ZBTB7C: variants seen among roughly 807,000 people sequenced by gnomAD.
ZBTB7C encodes the protein zinc finger and BTB domain-containing protein 7C.
ZBTB7C carries 8 observed loss-of-function variants against 25.7 expected under a neutral mutation model. That is an observed-to-expected ratio of 0.31 (90% CI 0.18 to 0.56). The LOEUF (loss-of-function observed/expected upper bound fraction) is 0.56, where lower values mean the gene tolerates loss of function less well. Ranked by LOEUF, ZBTB7C falls within the 20% of genes least tolerant of loss-of-function variation. The probability of loss-of-function intolerance (pLI) is 0.91; values close to 1 mark genes in which losing one functional copy is unlikely to be tolerated. For synonymous variants in ZBTB7C, 394 were observed against 369.0 expected (o/e 1.07, Z -0.78); for missense variants, 824 against 855.2 (o/e 0.96, Z 0.46).
chr18:48,115,425 T>C (rs1046517907), intron 3 of ZBTB7C, among the ~76,000 whole-genome samples: 2 of 151,688 alleles, frequency 1.3e-5, no homozygotes, highest in East Asian at 3.9e-4. Flanking sequence ...ATTTTTTTTG[T>C]ATTTTTAGTA....
chr18:48,307,998 C>T (rs2045717052), intron 2 of ZBTB7C, among the ~76,000 whole-genome samples: 1 of 152,170 alleles, frequency 6.6e-6, no homozygotes, highest in South Asian at 2.1e-4. Flanking sequence ...ACAATTAATG[C>T]TTTTAAAAAT....
intron 3 of ZBTB7C, among the ~76,000 whole-genome samples, chr18:48,092,851 G>A (rs771769815): frequency 3.3e-5 from 5 of 152,174 alleles, no homozygotes; most frequent in African/African-American, 4.8e-5. Context: ...TTGGTTGACT[G>A]ATTAACTCTA....
chr18:48,352,230 G>C (rs1598933067), intron 1 of ZBTB7C, among the ~76,000 whole-genome samples: 1 of 152,332 alleles, frequency 6.6e-6, no homozygotes, highest in East Asian at 1.9e-4. Context: ...TACCATGCTG[G>C]ATGCCCACTA....
At chr18:48,364,925 A>G (rs1478174056) in intron 1 of ZBTB7C, among the ~76,000 whole-genome samples, 1 of 152,196 alleles carries the variant, frequency 6.6e-6, no homozygotes, top group African/African-American at 2.4e-5. Flanking sequence ...CTTACTAAAC[A>G]CAGTTTGCTG....
intron 3 of ZBTB7C, among the ~76,000 whole-genome samples, chr18:48,153,540 G>C (rs1487584706): frequency 6.6e-6 from 1 of 152,200 alleles, no homozygotes; most frequent in Non-Finnish European, 1.5e-5. Flanking sequence ...GGGAAAAAGG[G>C]AAGCAAGGAA....
chr18:48,046,873 C>T (rs760502407), intron 3 of ZBTB7C, among the ~76,000 whole-genome samples: 1 of 152,162 alleles, frequency 6.6e-6, no homozygotes, highest in Non-Finnish European at 1.5e-5. Flanking sequence ...ACATCATGAC[C>T]ATGAGGAGCC....
At chr18:48,241,056 T>C (rs11082666) in intron 2 of ZBTB7C, among the ~76,000 whole-genome samples, 18,040 of 151,954 alleles carry the variant, frequency 0.12, 2,562 homozygotes, top group East Asian at 0.66. Context: ...GCTATTCTCA[T>C]ATCAGACAAG....
At chr18:48,384,620 A>G in intron 1 of ZBTB7C, among the ~76,000 whole-genome samples, 1 of 151,872 alleles carries the variant, frequency 6.6e-6, no homozygotes, top group East Asian at 1.9e-4. Context: ...TTAAAACGTG[A>G]TTTTATTTTT....
chr18:48,319,589 T>C (rs757295357), intron 2 of ZBTB7C, among the ~76,000 whole-genome samples: 68 of 152,272 alleles, frequency 4.5e-4, no homozygotes, highest in Middle Eastern at 3.4e-3. Flanking sequence ...AAGGCTGCAG[T>C]GATTACATAC....
At chr18:48,068,503 CA>C (rs1217774510) in intron 3 of ZBTB7C, among the ~76,000 whole-genome samples, 1 of 150,898 alleles carries the variant, frequency 6.6e-6, no homozygotes, top group East Asian at 1.9e-4. Flanking sequence ...AAAAAAAAAA[CA>C]ACAAAAAAAC....
intron 1 of ZBTB7C, among the ~76,000 whole-genome samples, chr18:48,362,648 G>C (rs2047135767): frequency 6.6e-6 from 1 of 152,170 alleles, no homozygotes; most frequent in Admixed American, 6.5e-5. Context: ...AACTGGCAAA[G>C]ACAAAGCCTC....
chr18:48,085,258 T>G (rs950097501), intron 3 of ZBTB7C, among the ~76,000 whole-genome samples: 1 of 152,204 alleles, frequency 6.6e-6, no homozygotes, highest in Non-Finnish European at 1.5e-5. Context: ...GGGAGTATGC[T>G]GGGGAGAGGA....
intron 3 of ZBTB7C, among the ~76,000 whole-genome samples, chr18:48,053,967 T>G (rs1459425639): frequency 1.3e-5 from 2 of 152,174 alleles, no homozygotes; most frequent in African/African-American, 4.8e-5. Flanking sequence ...GATTAGCTTG[T>G]GCGAAGGCAT....
At chr18:48,106,241 A>C (rs1257919936) in intron 3 of ZBTB7C, among the ~76,000 whole-genome samples, 1 of 152,002 alleles carries the variant, frequency 6.6e-6, no homozygotes, top group East Asian at 1.9e-4. Context: ...TCCTCTTTCC[A>C]GCATCTCATC....
chr18:48,140,737 T>C (rs975814126), intron 3 of ZBTB7C, among the ~76,000 whole-genome samples: 4 of 151,980 alleles, frequency 2.6e-5, no homozygotes, highest in African/African-American at 9.7e-5. Context: ...TGGGAATGAG[T>C]GATACTCAAG....
chr18:48,286,230 G>A (rs1262155836), intron 2 of ZBTB7C, among the ~76,000 whole-genome samples: 1 of 124,172 alleles, frequency 8.1e-6, no homozygotes, highest in Non-Finnish European at 1.6e-5. Context: ...GAGAAGAGGT[G>A]TGCGTGTGTG....
chr18:48,314,281 C>T (rs2045892931), intron 2 of ZBTB7C, among the ~76,000 whole-genome samples: 1 of 152,166 alleles, frequency 6.6e-6, no homozygotes. Flanking sequence ...TAACTTCTTG[C>T]TTCAGTTCGT....
intron 3 of ZBTB7C, among the ~76,000 whole-genome samples, chr18:48,178,989 T>A (rs1423724762): frequency 6.6e-6 from 1 of 152,182 alleles, no homozygotes; most frequent in Admixed American, 6.5e-5. Flanking sequence ...GCTTCTCATA[T>A]TCATTGATTT....
intron 3 of ZBTB7C, among the ~76,000 whole-genome samples, chr18:48,103,112 T>TTATCTATCTATCTATCTATCTATCTATC (rs61043835): frequency 1.5e-5 from 2 of 130,962 alleles, no homozygotes; most frequent in African/African-American, 2.9e-5. Flanking sequence ...ATATTTTATA[T>TTATCTATCTATCTATCTATCTATCTATC]TATCTATCTA....
Sources: gnomAD v4.1 joint callset for allele counts (sites outside exome capture counted in the v4.1 genomes callset) on GRCh38, gnomAD v4.1.1 for gene constraint, MANE v1.5 for transcripts, NCBI Gene and HGNC (gene_info 2026-07-23, HGNC 2026-07-21) for gene names.